RGSL1: variants seen among roughly 807,000 people sequenced by gnomAD.
RGSL1 encodes regulator of G protein signaling protein-like.
RGSL1 carries 97 observed loss-of-function variants against 124.7 expected under a neutral mutation model. The observed-to-expected ratio is 0.78, with a 90% confidence interval of 0.66 to 0.92. RGSL1 has a LOEUF of 0.92. RGSL1 is among the 40% of genes least tolerant of loss of function. The pLI is 0.00. For missense variants in RGSL1, 1,233 were observed against 1,288.4 expected, an observed-to-expected ratio of 0.96 and a Z score of 0.66; for synonymous variants, 424 against 438.1, an observed-to-expected ratio of 0.97 and a Z score of 0.40.
intron 2 of RGSL1, 66 bp from the exon 3 acceptor site, chr1:182,458,253 G>GGGACT: frequency 8.5e-7 from 1 of 1,177,742 alleles, no homozygotes; most frequent in Non-Finnish European, 1.2e-6. Flanking sequence ...TGGCTGTAGA[G>GGGACT]GGACTGTGTC....
intron 12 of RGSL1, 71 bp from the exon 13 acceptor site, chr1:182,530,719 T>C: frequency 1.4e-6 from 2 of 1,442,500 alleles, no homozygotes; most frequent in Non-Finnish European, 1.8e-6. Context: ...CTGAGGTAGG[T>C]TTGCCTGGAC....
intron 1 of RGSL1, among the ~76,000 whole-genome samples, chr1:182,452,816 G>C (rs1651958076): frequency 6.6e-6 from 1 of 152,162 alleles, no homozygotes; most frequent in South Asian, 2.1e-4. Flanking sequence ...CAGGAAAAAT[G>C]ATTGTTTAGT....
At chr1:182,527,453 C>G in intron 10 of RGSL1, 126 bp from the exon 11 acceptor site, 1 of 728,076 alleles carries the variant, frequency 1.4e-6, no homozygotes, top group Non-Finnish European at 2.2e-6. Flanking sequence ...AATCCATCCA[C>G]AATGCTTTTC....
intron 4 of RGSL1, among the ~76,000 whole-genome samples, chr1:182,466,326 AAAG>A (rs1653327381): frequency 6.6e-6 from 1 of 152,170 alleles, no homozygotes; most frequent in Admixed American, 6.5e-5. Flanking sequence ...AATTCGGCCA[AAAG>A]AAGAAGGAAA....
rs1168399398 is a variant in RGSL1 at position 182,460,147 on chromosome 1, T to C, written c.301+14T>C. On this transcript the variant is annotated intron_variant, in intron 4 of 21. Coordinates refer to ENST00000294854, the MANE Select transcript of RGSL1 (RefSeq NM_001137669.2). ...CCCCAGAAGGAGGTAAGCATTGGTGTGCATGCGTGTGTCTGTGTGTGTGTG... is the reference window on the plus strand; with the variant it reads ...CCCCAGAAGGAGGTAAGCATTGGTGCGCATGCGTGTGTCTGTGTGTGTGTG... 2.0e-6 allele frequency: 3 copies of C among 1,531,898 alleles called. No individual in the cohort carries two copies. The highest frequency in any genetic ancestry group is 2.4e-5 in the South Asian group (2 of 82,812). 94.9% of individuals were successfully genotyped at this position (1,531,898 alleles called of 1,614,324 possible). A position where few individuals can be genotyped will look rare whatever the true frequency, so the allele number is the denominator to read the frequency against.
Position 182,488,277 on chromosome 1 carries a change from GT to G in RGSL1, c.1432-4del. Reference sequence around the variant, plus strand: ...CCTCATAATGCATATGCTGTGTTTGGTTTTCAGATGCTCAGTCCCTGGTATG... The same window carrying G: ...CCTCATAATGCATATGCTGTGTTTGGTTTCAGATGCTCAGTCCCTGGTATG... On this transcript the variant is annotated splice_polypyrimidine_tract_variant and splice_region_variant and intron_variant, in intron 6 of 21. Coordinates refer to ENST00000294854, the MANE Select transcript of RGSL1 (RefSeq NM_001137669.2). The G allele has an allele frequency of 6.4e-7, 1 of 1,552,092 alleles. No homozygotes were observed. The highest frequency in any genetic ancestry group is 8.7e-7 in the Non-Finnish European group (1 of 1,147,036).
chr1:182,520,610 A>G (rs1200925936), intron 9 of RGSL1, among the ~76,000 whole-genome samples: 1 of 152,084 alleles, frequency 6.6e-6, no homozygotes, highest in Non-Finnish European at 1.5e-5. Context: ...TTAATTTTTT[A>G]TAAATTTACT....
intron 6 of RGSL1, among the ~76,000 whole-genome samples, chr1:182,476,104 A>T (rs1029979477): frequency 6.6e-6 from 1 of 152,168 alleles, no homozygotes; most frequent in Non-Finnish European, 1.5e-5. Flanking sequence ...ATAATTATCC[A>T]GGGTTGTACA....
chr1:182,521,502 G>A (rs776878146), intron 9 of RGSL1, among the ~76,000 whole-genome samples: 11 of 152,146 alleles, frequency 7.2e-5, no homozygotes, highest in Non-Finnish European at 5.9e-5. Context: ...CAGTGTCCGT[G>A]GGAAAGAAAA....
At chr1:182,483,678 T>A (rs748113734) in intron 6 of RGSL1, among the ~76,000 whole-genome samples, 2 of 152,192 alleles carry the variant, frequency 1.3e-5, no homozygotes, top group African/African-American at 4.8e-5. Flanking sequence ...GGGGTACATA[T>A]GCAGGTTTGT....
upstream of RGSL1, among the ~76,000 whole-genome samples, chr1:182,449,737 T>A (rs1002519156): frequency 2.6e-5 from 4 of 152,152 alleles, no homozygotes; most frequent in Non-Finnish European, 5.9e-5. Flanking sequence ...GCTGAAGCAA[T>A]GGAGGTTGAT....
At chr1:182,493,829 G>A (rs1399329100) in intron 9 of RGSL1, among the ~76,000 whole-genome samples, 1 of 152,150 alleles carries the variant, frequency 6.6e-6, no homozygotes, top group African/African-American at 2.4e-5. Context: ...CTGAAGGGAG[G>A]TTCTGGGTAG....
At chr1:182,468,452 T>A (rs978185443) in intron 4 of RGSL1, among the ~76,000 whole-genome samples, 1 of 152,146 alleles carries the variant, frequency 6.6e-6, no homozygotes, top group Non-Finnish European at 1.5e-5. Context: ...AAATGATGAG[T>A]TCATGTCCTT....
In RGSL1 at chr1:182,474,334, A is replaced by C; in HGVS notation, c.1223A>C (p.His408Pro). The C allele has an allele frequency of 6.4e-7, 1 of 1,551,866 alleles. No homozygotes were observed. The change falls in exon 6 of 22, where the codon CAT (histidine) becomes CCT (proline). Residue 408 changes from histidine (H) to proline (P), a missense_variant. Coordinates refer to ENST00000294854, the MANE Select transcript of RGSL1 (RefSeq NM_001137669.2). Reference sequence around the variant, plus strand: ...CTTGACCTCTGGCAGGACTTGCAGCATTTCCTCAGTGTCCTTCTGAATAAC... The same window carrying C: ...CTTGACCTCTGGCAGGACTTGCAGCCTTTCCTCAGTGTCCTTCTGAATAAC... The part of the protein sequence containing the change: ...QLLDLWQDLQ[H>P]FLSVLLNNKK...
chr1:182,486,310 A>ATTT (rs544790840), intron 6 of RGSL1, among the ~76,000 whole-genome samples: 1 of 137,794 alleles, frequency 7.3e-6, no homozygotes, highest in Admixed American at 7.3e-5. Context: ...TAGAGTCATA[A>ATTT]TTTTTTTTTT....
chr1:182,486,464 G>T (rs1284977800), intron 6 of RGSL1, among the ~76,000 whole-genome samples: 1 of 151,490 alleles, frequency 6.6e-6, no homozygotes, highest in African/African-American at 2.4e-5. Context: ...CTCCCTGTGG[G>T]TGGCATGCGC....
chr1:182,510,197 G>A lies in RGSL1; in HGVS notation c.1826-11807G>A, dbSNP rs1343319553. ...GCAGACGCTCCTCACTTTCCAGACT[G>A]GGCAGCCAGGCAGAGGGTCTCCTCA... On this transcript the variant is annotated intron_variant, in intron 9 of 21. Coordinates refer to ENST00000294854, the MANE Select transcript of RGSL1 (RefSeq NM_001137669.2). Among the ~76,000 whole-genome samples, 2 of 23,956 alleles carry A rather than the reference G, an allele frequency of 8.3e-5. 1 individual carries two copies. The highest frequency in any genetic ancestry group is 1.8e-4 in the Non-Finnish European group (2 of 10,838). The allele number at this position is 23,956 out of a possible 152,430, so 15.7% of individuals were successfully genotyped here. A position where few individuals can be genotyped will look rare whatever the true frequency, so the allele number is the denominator to read the frequency against.
At chr1:182,464,485 A>T (rs533565587) in intron 4 of RGSL1, among the ~76,000 whole-genome samples, 2 of 152,292 alleles carry the variant, frequency 1.3e-5, no homozygotes, top group East Asian at 3.9e-4. Context: ...GCACTTTGGG[A>T]GGCCTTAGGG....
In RGSL1 at chr1:182,474,147, AT is replaced by A; in HGVS notation, c.1037del (p.Ile346ThrfsTer10). Reference sequence around the variant, plus strand: ...GGTCTCTACCCACCTGAGGACTGTCATCCCCATTGTCAATCACTCCTCCAAG... The same window carrying A: ...GGTCTCTACCCACCTGAGGACTGTCACCCCATTGTCAATCACTCCTCCAAG... ...TKVSTHLRTV[I>X]PIVNHSSKMT... On this transcript the variant is annotated frameshift_variant, in exon 6 of 22. Transcript: ENST00000294854. LOFTEE classifies it high-confidence loss of function. 2 of 1,552,078 alleles carry A rather than the reference AT, an allele frequency of 1.3e-6. No individual in the cohort carries two copies. Among genetic ancestry groups the A allele is most frequent in the Non-Finnish European group, 1.7e-6 (2 of 1,147,064 alleles).
Sources: gnomAD v4.1 joint callset for allele counts (sites outside exome capture counted in the v4.1 genomes callset) on GRCh38, gnomAD v4.1.1 for gene constraint, MANE v1.5 for transcripts, NCBI Gene and HGNC (gene_info 2026-07-23, HGNC 2026-07-21) for gene names.